Variants in PTPRN2 observed in about 807,000 individuals in gnomAD.
PTPRN2 encodes the protein receptor-type tyrosine-protein phosphatase N2.
Under a neutral mutation model 118.8 loss-of-function variants are expected in PTPRN2, and 74 were observed. The ratio of observed to expected loss-of-function variants is 0.62; its 90% CI spans 0.52 to 0.76. PTPRN2 has a LOEUF of 0.76. Among genes scored for constraint, PTPRN2 ranks in the 30% least tolerant of loss-of-function variants. The pLI, the probability that PTPRN2 is intolerant of heterozygous loss-of-function variation, is 0.00. For synonymous variants in PTPRN2, 641 were observed against 608.0 expected, an observed-to-expected ratio of 1.05 and a Z score of -0.80; for missense variants, 1,481 against 1,394.4, an observed-to-expected ratio of 1.06 and a Z score of -0.99.
intron 11 of PTPRN2, among the ~76,000 whole-genome samples, chr7:158,067,360 A>AG (rs1810851380): frequency 6.6e-6 from 1 of 152,132 alleles, no homozygotes. Context: ...CCCAGCTGGC[A>AG]GGGGGCAGGG....
chr7:158,341,589 C>T (rs1342047482), intron 2 of PTPRN2, among the ~76,000 whole-genome samples: 1 of 86,302 alleles, frequency 1.2e-5, no homozygotes, highest in Non-Finnish European at 2.5e-5. Context: ...TAAGAGGTGA[C>T]ACCCGCAGAC....
At chr7:158,289,638 G>A (rs905066630) in intron 3 of PTPRN2, among the ~76,000 whole-genome samples, 16 of 151,774 alleles carry the variant, frequency 1.1e-4, no homozygotes, top group African/African-American at 2.7e-4. Context: ...TTGAATTATC[G>A]GGCCATTTGT....
At chr7:158,210,179 A>G (rs1447862425) in intron 3 of PTPRN2, among the ~76,000 whole-genome samples, 1 of 121,452 alleles carries the variant, frequency 8.2e-6, no homozygotes, top group African/African-American at 3.4e-5. Flanking sequence ...TCTGTCGCCC[A>G]GGCTGGAGTG....
intron 3 of PTPRN2, among the ~76,000 whole-genome samples, chr7:158,257,359 C>A (rs1189326916): frequency 6.6e-6 from 1 of 152,182 alleles, no homozygotes; most frequent in Non-Finnish European, 1.5e-5. Context: ...GAGTCTACAT[C>A]CCAGATTTGG....
chr7:158,374,069 G>C (rs888711369), intron 2 of PTPRN2, among the ~76,000 whole-genome samples: 2 of 152,214 alleles, frequency 1.3e-5, no homozygotes, highest in Admixed American at 1.3e-4. Flanking sequence ...CTGGAGTCAG[G>C]GCTCAGGCAG....
intron 3 of PTPRN2, among the ~76,000 whole-genome samples, chr7:158,262,526 TGC>T (rs1797512562): frequency 9.2e-6 from 1 of 109,194 alleles, no homozygotes; most frequent in African/African-American, 3.8e-5. Context: ...ATTCACACAC[TGC>T]ACACATACAC....
intron 12 of PTPRN2, chr7:157,863,031 C>G (rs1157283682): frequency 2.0e-5 from 3 of 152,266 alleles, no homozygotes. Context: ...TGGGCAGTTA[C>G]AAGAAAGGAC....
In PTPRN2 at chr7:158,093,502, C is replaced by T. The variant is rs765051677; in HGVS notation, c.1644-12125G>A. ...TCCAGTCTTGTTCCTTGTTCACTGG[C>T]GTCCCTCACTCTAGGCAAGCCCACA... is the stretch of plus-strand genomic sequence containing the variant. On this transcript the variant is annotated intron_variant, in intron 10 of 22. Transcript: ENST00000389418. This position sits in a 1 kb window ranked among gnomAD's most constrained non-coding sequence, Gnocchi z 4.4. 9.9e-5 allele frequency among the ~76,000 whole-genome samples: 15 copies of T among 152,190 alleles called. No individual in the cohort carries two copies. Among genetic ancestry groups the T allele is most frequent in the Admixed American group, 4.6e-4 (7 of 15,280 alleles).
chr7:158,247,167 T>C (rs184929682), intron 3 of PTPRN2, among the ~76,000 whole-genome samples: 2 of 152,216 alleles, frequency 1.3e-5, no homozygotes, highest in East Asian at 3.9e-4. Context: ...TGCATCTCAC[T>C]ACACAGAGCG....
chr7:157,795,433 G>T (rs1046646822), intron 12 of PTPRN2, among the ~76,000 whole-genome samples: 1 of 152,248 alleles, frequency 6.6e-6, no homozygotes, highest in South Asian at 2.1e-4. Flanking sequence ...GGGGGCTGAG[G>T]CTGGGAACCA....
intron 12 of PTPRN2, among the ~76,000 whole-genome samples, chr7:157,711,921 T>G (rs76359866): frequency 0.4 from 39,496 of 99,868 alleles, 8,637 homozygotes; most frequent in Non-Finnish European, 0.49. Context: ...TGGGGGGCCA[T>G]GCAGGCCACA....
intron 2 of PTPRN2, among the ~76,000 whole-genome samples, chr7:158,430,883 G>A (rs551976258): frequency 5.9e-5 from 9 of 152,330 alleles, no homozygotes; most frequent in South Asian, 2.1e-4. Context: ...GTCTCTGGAC[G>A]GAGACCCCCA....
chr7:158,409,882 T>TA (rs1441136046), intron 2 of PTPRN2, among the ~76,000 whole-genome samples: 4 of 152,222 alleles, frequency 2.6e-5, no homozygotes, highest in African/African-American at 9.7e-5. Context: ...AATCTGGCTT[T>TA]AAAAAATAAT....
In PTPRN2 at chr7:158,151,103, TTTCTGCTCCTAC is replaced by T. The variant is rs1563520781; in HGVS notation, c.911-12600_911-12589del. Reference sequence around the variant, plus strand: ...CCCCTGCCTGCCCAAACCGCCCGCCTTTCTGCTCCTACCCCTGCCCACACCGCCCGCCTTTCT... The same window carrying T: ...CCCCTGCCTGCCCAAACCGCCCGCCTCCCTGCCCACACCGCCCGCCTTTCT... On this transcript the variant is annotated intron_variant, in intron 6 of 22. Transcript: ENST00000389418. Among the ~76,000 whole-genome samples, 10 of 47,046 alleles carry T rather than the reference TTTCTGCTCCTAC, an allele frequency of 2.1e-4. 2 individuals carry two copies. Among genetic ancestry groups the T allele is most frequent in the African/African-American group, 6.5e-4 (7 of 10,732 alleles). The allele number at this position is 47,046 out of a possible 152,430, so 30.9% of individuals were successfully genotyped here.
intron 12 of PTPRN2, among the ~76,000 whole-genome samples, chr7:157,791,893 C>T (rs1049740686): frequency 5.3e-5 from 8 of 152,200 alleles, no homozygotes; most frequent in Non-Finnish European, 1.2e-4. Context: ...ATCAGAGGGG[C>T]GCACGCGGAT....
intron 9 of PTPRN2, among the ~76,000 whole-genome samples, chr7:158,121,602 G>A (rs1817181384): frequency 1.3e-5 from 2 of 152,134 alleles, no homozygotes; most frequent in South Asian, 2.1e-4. Context: ...CATGGGAGGG[G>A]CTCCACCACG....
chr7:157,601,326 C>G (rs529823621), intron 16 of PTPRN2, among the ~76,000 whole-genome samples: 5 of 152,274 alleles, frequency 3.3e-5, no homozygotes, highest in Non-Finnish European at 7.3e-5. Context: ...CCTTCCTTTG[C>G]TGTAATTGTG....
chr7:158,037,822 G>C (rs748558344), intron 11 of PTPRN2, among the ~76,000 whole-genome samples: 59 of 152,352 alleles, frequency 3.9e-4, no homozygotes, highest in South Asian at 6.2e-4. Flanking sequence ...GGGAAAGAAT[G>C]GGGGAGGGTT....
At chr7:158,371,958 G>C (rs185345996) in intron 2 of PTPRN2, among the ~76,000 whole-genome samples, 1 of 152,162 alleles carries the variant, frequency 6.6e-6, no homozygotes, top group Non-Finnish European at 1.5e-5. Context: ...AGCGTCCGTC[G>C]TGGCCCCGGG....
Sources: allele counts gnomAD v4.1 joint callset (sites outside exome capture counted in the v4.1 genomes callset), GRCh38; gene constraint gnomAD v4.1.1; non-coding constraint Gnocchi (gnomAD v3.1); transcripts MANE v1.5; gene names NCBI Gene and HGNC (gene_info 2026-07-23, HGNC 2026-07-21).